The following CPNE4 variants were observed in gnomAD, a reference collection of about 807,000 sequenced individuals.
CPNE4 encodes the protein copine-4.
In CPNE4, 25 loss-of-function variants were observed where a neutral mutation model predicts 67.9. The observed-to-expected ratio is 0.37, with a 90% CI of 0.27 to 0.51. The LOEUF is 0.51. Ranked by LOEUF, CPNE4 falls within the 20% of genes least tolerant of loss-of-function variation. CPNE4 has a pLI of 0.93. For synonymous variants in CPNE4, 242 were observed against 244.9 expected, an observed-to-expected ratio of 0.99 and a Z score of 0.11; for missense variants, 464 against 690.8, an observed-to-expected ratio of 0.67 and a Z score of 3.68.
chr3:131,740,129 C>G (rs2037001), intron 2 of CPNE4, among the ~76,000 whole-genome samples: 32,599 of 152,158 alleles, frequency 0.21, 4,314 homozygotes, highest in Non-Finnish European at 0.28. Context: ...ATATAAGGCA[C>G]TAAGGCTCAA....
chr3:131,940,683 C>G (rs7612821), intron 1 of CPNE4, among the ~76,000 whole-genome samples: 260 of 152,178 alleles, frequency 1.7e-3, no homozygotes, highest in African/African-American at 5.8e-3. Flanking sequence ...AGGTAACTCT[C>G]TCTTCTAGGC....
chr3:132,009,903 T>C (rs1205001744), intron 1 of CPNE4, among the ~76,000 whole-genome samples: 2 of 152,214 alleles, frequency 1.3e-5, no homozygotes, highest in Non-Finnish European at 2.9e-5. Flanking sequence ...CTTCCTATAA[T>C]GCACAGGATA....
At chr3:131,895,704 T>G (rs1290606884) in intron 2 of CPNE4, among the ~76,000 whole-genome samples, 1 of 152,088 alleles carries the variant, frequency 6.6e-6, no homozygotes, top group Non-Finnish European at 1.5e-5. Context: ...GTAAATCATC[T>G]CACTAAAGTT....
intron 2 of CPNE4, among the ~76,000 whole-genome samples, chr3:131,801,464 A>G (rs1322566237): frequency 7.3e-5 from 9 of 124,102 alleles, no homozygotes; most frequent in Admixed American, 4.3e-4. Flanking sequence ...ATATATATAT[A>G]TATATATATA....
intron 5 of CPNE4, 150 bp downstream of exon 5, chr3:131,696,392 G>A (rs1583035878): frequency 1.5e-6 from 1 of 649,194 alleles, no homozygotes; most frequent in Non-Finnish European, 2.7e-6. Context: ...CTTTAATGTG[G>A]GGGAAAGTTT....
chr3:132,034,205 C>T (rs1251873299), intron 1 of CPNE4, among the ~76,000 whole-genome samples: 1 of 152,028 alleles, frequency 6.6e-6, no homozygotes, highest in Non-Finnish European at 1.5e-5. Flanking sequence ...CCCTTCCCCT[C>T]CCCTTCCCCG....
intron 7 of CPNE4, among the ~76,000 whole-genome samples, chr3:131,597,810 A>T (rs1357854203): frequency 6.6e-6 from 1 of 152,232 alleles, no homozygotes; most frequent in African/African-American, 2.4e-5. Context: ...ATTACATGGT[A>T]ATCACTGGCT....
chr3:131,669,632 A>G, intron 7 of CPNE4, 43 bp downstream of exon 7: 1 of 1,475,434 alleles, frequency 6.8e-7, no homozygotes, highest in Non-Finnish European at 9.4e-7. Context: ...AAGATTAAAT[A>G]CTTTTTTTAA....
rs762575421 is a variant in CPNE4, at chr3:131,581,609, G to A, written c.837C>T (p.Asn279=). The A allele has an allele frequency of 4.3e-6, 7 of 1,613,584 alleles. No homozygotes were observed. Among genetic ancestry groups the A allele is most frequent in the Non-Finnish European group, 5.9e-6 (7 of 1,179,536 alleles). ...KYKAKKKNYK[N]SGTVILNLCK... ...ACAGATTCAGAATCACAGTGCCTGA[G>A]TTCTTGTAATTCTTCTTCTTGGCTT... is the stretch of plus-strand genomic sequence containing the variant. Residue 279 remains asparagine, a synonymous_variant, in exon 9 of 16, where the codon AAC becomes AAT. Transcript: ENST00000429747.
chr3:131,889,447 C>T (rs1013897693), intron 2 of CPNE4, among the ~76,000 whole-genome samples: 4 of 152,306 alleles, frequency 2.6e-5, no homozygotes, highest in Non-Finnish European at 4.4e-5. Context: ...TCAGATCAAG[C>T]CAGGCTGCTA....
chr3:131,904,425 C>T (rs1468395035), intron 2 of CPNE4, among the ~76,000 whole-genome samples: 1 of 152,138 alleles, frequency 6.6e-6, no homozygotes, highest in African/African-American at 2.4e-5. Flanking sequence ...CGAGTCACTT[C>T]TTCAGTCCTG....
chr3:131,706,950 A>T (rs184611704), intron 3 of CPNE4, among the ~76,000 whole-genome samples: 17 of 152,246 alleles, frequency 1.1e-4, no homozygotes, highest in African/African-American at 3.6e-4. Context: ...TCTTACATGT[A>T]TTGATTAATG....
intron 2 of CPNE4, among the ~76,000 whole-genome samples, chr3:131,853,457 A>G (rs1181220290): frequency 6.6e-6 from 1 of 151,912 alleles, no homozygotes; most frequent in Non-Finnish European, 1.5e-5. Context: ...AGCTAGAACT[A>G]TAAAATGTCA....
intron 2 of CPNE4, among the ~76,000 whole-genome samples, chr3:131,808,572 A>G (rs1428743152): frequency 6.6e-6 from 1 of 152,228 alleles, no homozygotes; most frequent in Non-Finnish European, 1.5e-5. Flanking sequence ...ATCAAAATGT[A>G]GCAACAAGTT....
rs2107777218 is a variant in CPNE4, at chr3:131,906,112, T to A, written c.-1-668A>T. Among the ~76,000 whole-genome samples, 2 of 152,154 alleles carry A rather than the reference T, an allele frequency of 1.3e-5. 1 individual carries two copies. Among genetic ancestry groups the A allele is most frequent in the South Asian group, 4.1e-4 (2 of 4,826 alleles). ...TGATGGGGAGGAAAAGCACAAAGCT[T>A]CCTATTCTGAACTTGTGGAAACAGC... On this transcript the variant is annotated intron_variant, in intron 1 of 15. Transcript: ENST00000429747.
intron 2 of CPNE4, among the ~76,000 whole-genome samples, chr3:131,737,879 T>G (rs773526835): frequency 2.0e-5 from 3 of 152,234 alleles, no homozygotes; most frequent in Non-Finnish European, 4.4e-5. Flanking sequence ...TTAAAATGTC[T>G]TATTTATTCA....
In CPNE4 at chr3:131,811,929, T is replaced by C. The variant is rs1279986119; in HGVS notation, c.181-88304A>G. On this transcript the variant is annotated intron_variant, in intron 2 of 15. Coordinates refer to ENST00000429747, the MANE Select transcript of CPNE4 (RefSeq NM_130808.3). ...TGCTCAAGGTCACACAGCTAACAAC[T>C]GGCAAAAGAAAGAACACTACTTTTC... is the stretch of plus-strand genomic sequence containing the variant. Among the ~76,000 whole-genome samples, 6 of 152,188 alleles carry C rather than the reference T, an allele frequency of 3.9e-5. No individual in the cohort carries two copies. The East Asian group carries it at 9.7e-4, about 25-fold the overall frequency.
intron 2 of CPNE4, among the ~76,000 whole-genome samples, chr3:131,801,255 C>T (rs1431907331): frequency 6.6e-6 from 1 of 150,412 alleles, no homozygotes; most frequent in Non-Finnish European, 1.5e-5. Flanking sequence ...ATGCTGCTTT[C>T]CAGATTGAAA....
intron 3 of CPNE4, among the ~76,000 whole-genome samples, chr3:131,701,851 G>A (rs1249075633): frequency 1.3e-5 from 2 of 152,122 alleles, no homozygotes; most frequent in Non-Finnish European, 2.9e-5. Context: ...GATAACAAAT[G>A]TTTGGTTTTT....
Sources: gnomAD v4.1 joint callset for allele counts (sites outside exome capture counted in the v4.1 genomes callset) on GRCh38, gnomAD v4.1.1 for gene constraint, MANE v1.5 for transcripts, NCBI Gene and HGNC (gene_info 2026-07-23, HGNC 2026-07-21) for gene names.